Variants in RAB11FIP3 observed in about 807,000 individuals in gnomAD.
The protein encoded by RAB11FIP3 is rab11 family-interacting protein 3.
In RAB11FIP3, 17 loss-of-function variants were observed where a neutral mutation model predicts 77.8. The observed-to-expected ratio is 0.22, with a 90% CI of 0.15 to 0.33. The LOEUF is 0.33. Among genes scored for constraint, RAB11FIP3 ranks in the 10% least tolerant of loss-of-function variants. The pLI, the probability that RAB11FIP3 is intolerant of heterozygous loss-of-function variation, is 1.00. For synonymous variants in RAB11FIP3, 437 were observed against 448.2 expected (o/e 0.98, Z 0.31); for missense variants, 1,005 against 1,011.2 (o/e 0.99, Z 0.08).
chr16:453,659 T>C (rs1360213228), intron 1 of RAB11FIP3, among the ~76,000 whole-genome samples: 9 of 151,322 alleles, frequency 5.9e-5, no homozygotes, highest in African/African-American at 2.2e-4. Flanking sequence ...GGCGCGATCT[T>C]GGCTCACTGC....
At chr16:517,078 C>T (rs559958292) in intron 9 of RAB11FIP3, among the ~76,000 whole-genome samples, 6 of 152,266 alleles carry the variant, frequency 3.9e-5, no homozygotes, top group East Asian at 1.9e-4. Flanking sequence ...GACCCTGATA[C>T]GGTGTGACGG....
intron 5 of RAB11FIP3, among the ~76,000 whole-genome samples, chr16:492,390 C>CCTTCCCGGGAGACCCGAGGCCGTCCAGAG (rs1567391959): frequency 1.5e-4 from 20 of 137,350 alleles, no homozygotes; most frequent in African/African-American, 5.8e-4. Flanking sequence ...CCGCCCAGAG[C>CCTTCCCGGGAGACCCGAGGCCGTCCAGAG]CCTCCCCGGG....
intron 1 of RAB11FIP3, among the ~76,000 whole-genome samples, chr16:446,485 G>A (rs1185910194): frequency 1.3e-5 from 2 of 152,280 alleles, no homozygotes; most frequent in Non-Finnish European, 2.9e-5. Context: ...GGCACTGCCT[G>A]CAGATCGGGT....
At position 522,247 on chromosome 16, in the gene RAB11FIP3, T is replaced by A. The variant is rs1047628917; in HGVS notation, c.*1408T>A. On this transcript the variant is annotated 3_prime_UTR_variant, in exon 14 of 14. Transcript: ENST00000262305. The stretch of plus-strand genomic sequence containing the variant: ...GAGAAAACTGTGTATACACATGAAA[T>A]ATATATATATATATATATATATATA... 3.0e-4 allele frequency: 34 copies of A among 114,508 alleles called. No individual in the cohort carries two copies. The highest frequency in any genetic ancestry group is 5.4e-4 in the Non-Finnish European group (31 of 57,856). The allele number at this position is 114,508 out of a possible 1,614,324, so 7.1% of individuals were successfully genotyped here.
chr16:519,832 G>A lies in RAB11FIP3; in HGVS notation c.1801G>A (p.Gly601Arg), dbSNP rs867073405. Residue 601 changes from glycine to arginine, a missense_variant, in exon 11 of 14, where the codon GGG (glycine) becomes AGG (arginine). Coordinates refer to ENST00000262305, the MANE Select transcript of RAB11FIP3 (RefSeq NM_014700.4). ...AGAGCAGGAGAACAAGAGGAGAATG[G>A]GGGACAGGCTGAGTCACGAGAGGCA... The part of the protein sequence containing the change: ...SEEQENKRRM[G>R]DRLSHERHQF... 6.2e-7 allele frequency: 1 copy of A among 1,604,002 alleles called. No homozygotes were observed. The highest frequency in any genetic ancestry group is 8.5e-7 in the Non-Finnish European group (1 of 1,175,616).
chr16:519,998 C>T (rs1173641317), intron 11 of RAB11FIP3, 107 bp downstream of exon 11: 9 of 1,517,604 alleles, frequency 5.9e-6, no homozygotes, highest in East Asian at 2.5e-5. Context: ...TGGGCATAGC[C>T]GCTGGTGTGT....
rs979654488 is a variant in RAB11FIP3, at chr16:426,477, G to A, written c.471G>A (p.Glu157=). 4 of 1,580,976 alleles carry A rather than the reference G, an allele frequency of 2.5e-6. No individual in the cohort carries two copies. Among genetic ancestry groups the A allele is most frequent in the Non-Finnish European group, 2.6e-6 (3 of 1,164,518 alleles). ...GCAGCAGCCACCGAGCGCGGGGCGA[G>A]GTCGACGTCTTCTCTCCCTTCCCCG... ...GSSSSHRARG[E]VDVFSPFPAP... The change falls in exon 1 of 14, where the codon GAG becomes GAA. Residue 157 remains glutamate, a synonymous_variant. Transcript: ENST00000262305. The surrounding 1 kb of genome is among the most constrained non-coding windows in gnomAD (Gnocchi z 5.0).
intron 1 of RAB11FIP3, among the ~76,000 whole-genome samples, chr16:459,814 CAT>C (rs2055572858): frequency 6.6e-6 from 1 of 150,608 alleles, no homozygotes; most frequent in Admixed American, 6.6e-5. Context: ...ACCATTCACA[CAT>C]ATTTTCTGAT....
In RAB11FIP3 at chr16:490,741, C is replaced by T. The variant is rs570677271; in HGVS notation, c.1265+1741C>T. Among the ~76,000 whole-genome samples, 58 of 152,310 alleles carry T rather than the reference C, an allele frequency of 3.8e-4. No individual in the cohort carries two copies. In the South Asian group the frequency reaches 9.3e-3, roughly 24 times the overall value. On this transcript the variant is annotated intron_variant, in intron 5 of 13. Coordinates refer to ENST00000262305, the MANE Select transcript of RAB11FIP3 (RefSeq NM_014700.4). ...ATAGTACAGTAAGTACAAGTTTACC[C>T]GGAGACATGGTTCGCTATCACATTG...
At chr16:465,641 G>T (rs563784697) in intron 2 of RAB11FIP3, among the ~76,000 whole-genome samples, 2 of 152,098 alleles carry the variant, frequency 1.3e-5, no homozygotes, top group Non-Finnish European at 2.9e-5. Flanking sequence ...ATGGAGTCTC[G>T]CTCTGTCGGC....
intron 1 of RAB11FIP3, among the ~76,000 whole-genome samples, chr16:445,483 T>C (rs1322071356): frequency 6.6e-6 from 1 of 152,112 alleles, no homozygotes; most frequent in African/African-American, 2.4e-5. Context: ...TTAGGTACTA[T>C]GCCAATATGG....
At chr16:519,627 C>T (rs2032577514) in intron 10 of RAB11FIP3, 127 bp from the exon 11 acceptor site, 1 of 1,311,958 alleles carries the variant, frequency 7.6e-7, no homozygotes. Context: ...CCCTGTCGCG[C>T]TCCAAGCACG....
intron 1 of RAB11FIP3, among the ~76,000 whole-genome samples, chr16:432,038 T>C (rs1373439040): frequency 6.6e-6 from 1 of 152,122 alleles, no homozygotes; most frequent in Non-Finnish European, 1.5e-5. Context: ...ATGATAGGCA[T>C]GAGCTATGGC....
intron 5 of RAB11FIP3, among the ~76,000 whole-genome samples, chr16:494,071 C>A (rs143519480): frequency 1.7e-5 from 1 of 57,856 alleles, no homozygotes; most frequent in Non-Finnish European, 3.2e-5. Flanking sequence ...ACCTGGCTAA[C>A]TTTTGTATTT....
chr16:432,422 T>TA (rs1304400970), intron 1 of RAB11FIP3, among the ~76,000 whole-genome samples: 1 of 151,992 alleles, frequency 6.6e-6, no homozygotes, highest in Non-Finnish European at 1.5e-5. Context: ...TACTAGTAGA[T>TA]AAAATAAGAA....
intron 1 of RAB11FIP3, among the ~76,000 whole-genome samples, chr16:432,245 TAGGCGCCTATAATCCC>T (rs1444908399): frequency 1.3e-5 from 2 of 151,960 alleles, no homozygotes; most frequent in Non-Finnish European, 2.9e-5. Context: ...GGTGTGGTGG[TAGGCGCCTATAATCCC>T]AGGTACTTCA....
intron 5 of RAB11FIP3, among the ~76,000 whole-genome samples, chr16:489,395 C>T (rs1185255320): frequency 6.6e-6 from 1 of 152,234 alleles, no homozygotes. Context: ...CATCCCCAAA[C>T]TGGAAAGCTG....
chr16:510,732 G>A lies in RAB11FIP3; in HGVS notation c.1572G>A (p.Arg524=). The change falls in exon 9 of 14, where the codon CGG becomes CGA. Residue 524 remains arginine, a synonymous_variant. Transcript: ENST00000262305. ...GCGAGATGGTCCTGGAAGAGACCCG[G>A]CGTCAGAAGGAGCTCCTGTGCAAGA... is the stretch of plus-strand genomic sequence containing the variant. The part of the protein sequence containing the change: ...RACEMVLEET[R]RQKELLCKME... 1 of 1,613,284 alleles carries A rather than the reference G, an allele frequency of 6.2e-7. No individual in the cohort carries two copies. Among genetic ancestry groups the A allele is most frequent in the South Asian group, 1.1e-5 (1 of 91,064 alleles).
intron 1 of RAB11FIP3, among the ~76,000 whole-genome samples, chr16:447,313 A>G (rs1333688530): frequency 6.6e-6 from 1 of 151,914 alleles, no homozygotes; most frequent in African/African-American, 2.4e-5. Context: ...TCCAAAAAGG[A>G]AAAAAGAGAG....
Sources: gnomAD v4.1 joint callset for allele counts (sites outside exome capture counted in the v4.1 genomes callset) on GRCh38, gnomAD v4.1.1 for gene constraint, Gnocchi (gnomAD v3.1) non-coding constraint, MANE v1.5 for transcripts, NCBI Gene and HGNC (gene_info 2026-07-23, HGNC 2026-07-21) for gene names.